The following STRBP variants were observed in gnomAD, a reference collection of about 807,000 sequenced individuals.
STRBP encodes spermatid perinuclear RNA binding protein, also known as spermatid perinuclear RNA-binding protein.
Under a neutral mutation model 80.1 loss-of-function variants are expected in STRBP, and 13 were observed. The observed-to-expected ratio is 0.16, with a 90% CI of 0.11 to 0.26. STRBP has a LOEUF of 0.26. Ranked by LOEUF, STRBP falls within the 10% of genes least tolerant of loss-of-function variation. The pLI is 1.00. For missense variants in STRBP, 485 were observed against 815.2 expected, an observed-to-expected ratio of 0.59 and a Z score of 4.93; for synonymous variants, 284 against 291.2, an observed-to-expected ratio of 0.98 and a Z score of 0.25.
intron 1 of STRBP, among the ~76,000 whole-genome samples, chr9:123,267,874 C>G (rs1318239450): frequency 8.6e-6 from 1 of 115,698 alleles, no homozygotes; most frequent in Non-Finnish European, 1.8e-5. Context: ...CAATATAGTG[C>G]CCCCCCCCAC....
chr9:123,134,691 T>C (rs2036283268), intron 16 of STRBP, among the ~76,000 whole-genome samples: 1 of 152,180 alleles, frequency 6.6e-6, no homozygotes, highest in African/African-American at 2.4e-5. Flanking sequence ...TCCACACAAA[T>C]CTAGCTCATG....
intron 2 of STRBP, among the ~76,000 whole-genome samples, chr9:123,220,919 A>C (rs2040046722): frequency 6.6e-6 from 1 of 152,176 alleles, no homozygotes; most frequent in African/African-American, 2.4e-5. Flanking sequence ...TCTAGCTCCA[A>C]AATTTATATT....
At chr9:123,255,109 C>T (rs1048969158) in intron 1 of STRBP, among the ~76,000 whole-genome samples, 2 of 152,190 alleles carry the variant, frequency 1.3e-5, no homozygotes, top group African/African-American at 4.8e-5. Flanking sequence ...ACACCTCCTG[C>T]TACAGGGCTC....
intron 11 of STRBP, among the ~76,000 whole-genome samples, chr9:123,153,906 G>A (rs746728792): frequency 7.9e-5 from 12 of 152,192 alleles, no homozygotes; most frequent in Non-Finnish European, 1.5e-4. Context: ...ACATTCAGAA[G>A]TCAGGAAGAT....
intron 2 of STRBP, among the ~76,000 whole-genome samples, chr9:123,203,613 C>T (rs1051774882): frequency 9.9e-5 from 15 of 152,174 alleles, no homozygotes; most frequent in African/African-American, 3.6e-4. Context: ...ATCACCCCTT[C>T]TCTCACTTCT....
chr9:123,129,259 AG>A (rs1017031785), intron 17 of STRBP, among the ~76,000 whole-genome samples: 21 of 152,130 alleles, frequency 1.4e-4, no homozygotes, highest in African/African-American at 5.1e-4. Flanking sequence ...CAGGAGGCTG[AG>A]GTGGGAGGAT....
intron 11 of STRBP, among the ~76,000 whole-genome samples, chr9:123,148,387 AGG>A (rs2036911080): frequency 6.6e-6 from 1 of 152,184 alleles, no homozygotes; most frequent in Non-Finnish European, 1.5e-5. Context: ...CAAGCCCCTG[AGG>A]GCAATAAATT....
chr9:123,253,988 A>C (rs1431460020), intron 1 of STRBP, among the ~76,000 whole-genome samples: 1 of 152,210 alleles, frequency 6.6e-6, no homozygotes, highest in Non-Finnish European at 1.5e-5. Flanking sequence ...TGAATGTTTC[A>C]TTTAAACTGA....
In STRBP at chr9:123,124,721, T is replaced by A. The variant is rs907462586; in HGVS notation, c.*876A>T. Reference sequence around the variant, plus strand: ...AGAACAAGAGAGGGTGATTGATTGATTAATTTATTATTTTTAAAAACTTGG... The same window carrying A: ...AGAACAAGAGAGGGTGATTGATTGAATAATTTATTATTTTTAAAAACTTGG... On this transcript the variant is annotated 3_prime_UTR_variant, in exon 19 of 19. Transcript: ENST00000348403. 1.0e-6 allele frequency: 1 copy of A among 985,278 alleles called. No homozygotes were observed. The highest frequency in any genetic ancestry group is 1.2e-6 in the Non-Finnish European group (1 of 829,896). The allele number at this position is 985,278 out of a possible 1,614,324, so 61.0% of individuals were successfully genotyped here. A position where few individuals can be genotyped will look rare whatever the true frequency, so the allele number is the denominator to read the frequency against.
intron 1 of STRBP, among the ~76,000 whole-genome samples, chr9:123,260,514 T>C (rs1306554534): frequency 6.6e-6 from 1 of 152,182 alleles, no homozygotes; most frequent in East Asian, 1.9e-4. Context: ...GAGTAAATAA[T>C]ATGCTTAACT....
At chr9:123,149,509 C>T (rs557362866) in intron 11 of STRBP, among the ~76,000 whole-genome samples, 1 of 152,312 alleles carries the variant, frequency 6.6e-6, no homozygotes, top group Admixed American at 6.5e-5. Flanking sequence ...CCTCCAGCTA[C>T]ATAGAGTTCT....
At chr9:123,251,218 T>C (rs1274233520) in intron 1 of STRBP, among the ~76,000 whole-genome samples, 2 of 151,998 alleles carry the variant, frequency 1.3e-5, no homozygotes, top group African/African-American at 4.8e-5. Flanking sequence ...CTTTCTTTTC[T>C]CTCTCCCTCT....
At position 123,126,335 on chromosome 9, in the gene STRBP, C is replaced by A. The variant is rs527990265; in HGVS notation, c.1943-662G>T. ...ACCAGATGATCAGAGGGAAATTACC[C>A]CACATGCAACAGCTTTACAAAGGCC... is the stretch of plus-strand genomic sequence containing the variant. On this transcript the variant is annotated intron_variant, in intron 18 of 18. Transcript: ENST00000348403. The surrounding 1 kb of genome is among the most constrained non-coding windows in gnomAD (Gnocchi z 4.4). Among the ~76,000 whole-genome samples, 1 of 152,298 alleles carries A rather than the reference C, an allele frequency of 6.6e-6. No individual in the cohort carries two copies. The highest frequency in any genetic ancestry group is 1.9e-4 in the East Asian group (1 of 5,194).
intron 1 of STRBP, among the ~76,000 whole-genome samples, chr9:123,249,346 T>A (rs1019267662): frequency 2.0e-5 from 3 of 151,992 alleles, no homozygotes; most frequent in Non-Finnish European, 4.4e-5. Flanking sequence ...GCCACTGCAC[T>A]CCAGCCTGGG....
chr9:123,155,830 G>A (rs1019819876), intron 11 of STRBP, among the ~76,000 whole-genome samples: 2 of 151,934 alleles, frequency 1.3e-5, no homozygotes, highest in African/African-American at 4.8e-5. Context: ...CACCTGAGAT[G>A]CATAAGGAAA....
At chr9:123,250,379 T>C (rs1020829362) in intron 1 of STRBP, among the ~76,000 whole-genome samples, 2 of 152,334 alleles carry the variant, frequency 1.3e-5, no homozygotes, top group South Asian at 4.1e-4. Context: ...TATAATAGTT[T>C]ATTAGCATTT....
In STRBP at chr9:123,159,108, T is replaced by G. The variant is rs1451104585; in HGVS notation, c.823A>C (p.Ile275Leu). Residue 275 changes from isoleucine (I) to leucine (L), a missense_variant, in exon 9 of 19, where the codon ATA becomes CTA. Ile to Leu is a conservative substitution (Grantham distance 5). Transcript: ENST00000348403. ...TTGAAACCCTTACCAGGAAGTAGTA[T>G]TCCAGATGCCAAACACTCCATTACT... ...RRVMECLASG[I>L]LLPGGPGLHD... 2 of 1,613,080 alleles carry G rather than the reference T, an allele frequency of 1.2e-6. No homozygotes were observed. Among genetic ancestry groups the G allele is most frequent in the Admixed American group, 3.3e-5 (2 of 59,990 alleles).
At chr9:123,215,628 T>C (rs2039870262) in intron 2 of STRBP, among the ~76,000 whole-genome samples, 1 of 151,828 alleles carries the variant, frequency 6.6e-6, no homozygotes, top group Non-Finnish European at 1.5e-5. Context: ...CTACTAAAAA[T>C]ATAAAAATTA....
chr9:123,214,145 TACACACAC>T lies in STRBP; in HGVS notation c.-165+22677_-165+22684del, dbSNP rs138090782. The stretch of plus-strand genomic sequence containing the variant: ...TGTGGTGTATATATATATATATGTA[TACACACAC>T]ACACACACACACACACACACACACA... On this transcript the variant is annotated intron_variant, in intron 2 of 18. Coordinates refer to ENST00000348403, the MANE Select transcript of STRBP (RefSeq NM_018387.5). Among the ~76,000 whole-genome samples the T allele has an allele frequency of 1.4e-3, 200 of 141,442 alleles. 1 individual carries two copies. The highest frequency in any genetic ancestry group is 7.0e-3 in the Middle Eastern group (2 of 284). The allele number at this position is 141,442 out of a possible 152,430, so 92.8% of individuals were successfully genotyped here. A position where few individuals can be genotyped will look rare whatever the true frequency, so the allele number is the denominator to read the frequency against.
Sources: gnomAD v4.1 joint callset for allele counts (sites outside exome capture counted in the v4.1 genomes callset) on GRCh38, gnomAD v4.1.1 for gene constraint, Gnocchi (gnomAD v3.1) non-coding constraint, MANE v1.5 for transcripts, NCBI Gene and HGNC (gene_info 2026-07-23, HGNC 2026-07-21) for gene names.